The following SPON1 variants were observed in gnomAD, a reference collection of about 807,000 sequenced individuals.
SPON1 encodes spondin-1.
A neutral mutation model predicts 111.7 loss-of-function variants in SPON1; 52 were observed. That is an observed-to-expected ratio of 0.47 (90% CI 0.37 to 0.59). SPON1 has a LOEUF of 0.59. Among genes scored for constraint, SPON1 ranks in the 20% least tolerant of loss-of-function variants. SPON1 has a pLI of 0.00. For synonymous variants in SPON1, 410 were observed against 395.8 expected (o/e 1.04, Z -0.43); for missense variants, 957 against 1,068.5 (o/e 0.90, Z 1.46).
chr11:14,011,023 G>C (rs1848400827), intron 2 of SPON1, among the ~76,000 whole-genome samples: 1 of 152,136 alleles, frequency 6.6e-6, no homozygotes, highest in Non-Finnish European at 1.5e-5. Context: ...GAGTCCTTAA[G>C]AATCAATTAC....
intron 6 of SPON1, among the ~76,000 whole-genome samples, chr11:14,206,298 A>G (rs1283657174): frequency 1.3e-5 from 2 of 152,040 alleles, no homozygotes; most frequent in African/African-American, 4.8e-5. Context: ...GGTTCAAGCG[A>G]TTCTTCTGCC....
chr11:14,149,661 T>C (rs1847765172), intron 6 of SPON1, among the ~76,000 whole-genome samples: 1 of 152,202 alleles, frequency 6.6e-6, no homozygotes, highest in Non-Finnish European at 1.5e-5. Context: ...TTATCTTTTA[T>C]ACCTTATTTT....
intron 2 of SPON1, among the ~76,000 whole-genome samples, chr11:14,027,075 T>A (rs1848524006): frequency 6.6e-6 from 1 of 152,158 alleles, no homozygotes; most frequent in South Asian, 2.1e-4. Flanking sequence ...GGAGACTGAA[T>A]CCATGGGAAA....
At chr11:14,109,390 G>A (rs1389216115) in intron 5 of SPON1, among the ~76,000 whole-genome samples, 1 of 152,124 alleles carries the variant, frequency 6.6e-6, no homozygotes. Context: ...ACTGAAAAAG[G>A]ATTAAGACTA....
At chr11:14,145,793 T>A (rs10832197) in intron 6 of SPON1, among the ~76,000 whole-genome samples, 60,714 of 151,922 alleles carry the variant, frequency 0.4, 12,314 homozygotes, top group East Asian at 0.55. Flanking sequence ...TCAATAGGGG[T>A]CATATTAGAA....
chr11:14,147,017 C>CTT lies in SPON1; in HGVS notation c.825+11478_825+11479dup, dbSNP rs34930543. Among the ~76,000 whole-genome samples, 601 of 65,072 alleles carry CTT rather than the reference C, an allele frequency of 9.2e-3. 99 individuals are homozygous for CTT. The highest frequency in any genetic ancestry group is 0.018 in the East Asian group (31 of 1,720). 42.7% of individuals were successfully genotyped at this position (65,072 alleles called of 152,430 possible). A position where few individuals can be genotyped will look rare whatever the true frequency, so the allele number is the denominator to read the frequency against. On this transcript the variant is annotated intron_variant, in intron 6 of 15. Transcript: ENST00000576479. ...ACGTTAGAAGAAAACATGAAAGAAC[C>CTT]TTTTTTTTTTTTTTTTTTTTTTTTT...
chr11:14,091,370 G>A (rs1007914086), intron 5 of SPON1, among the ~76,000 whole-genome samples: 2 of 152,236 alleles, frequency 1.3e-5, no homozygotes, highest in African/African-American at 4.8e-5. Context: ...GGGCGCCGTG[G>A]AGCAGGGGGT....
chr11:14,230,944 G>A (rs972128877), intron 6 of SPON1, among the ~76,000 whole-genome samples: 18 of 151,440 alleles, frequency 1.2e-4, no homozygotes, highest in African/African-American at 4.4e-4. Flanking sequence ...CTACAGGCAT[G>A]TGCCACCACA....
intron 5 of SPON1, among the ~76,000 whole-genome samples, chr11:14,110,961 C>A (rs910833543): frequency 4.6e-5 from 7 of 152,174 alleles, no homozygotes; most frequent in Non-Finnish European, 8.8e-5. Flanking sequence ...TATCTCCCAG[C>A]CTATGCAAAA....
At chr11:14,146,051 G>A (rs953474308) in intron 6 of SPON1, among the ~76,000 whole-genome samples, 1 of 152,014 alleles carries the variant, frequency 6.6e-6, no homozygotes, top group Non-Finnish European at 1.5e-5. Flanking sequence ...TGCCTCTAGA[G>A]CACACAGAGA....
chr11:14,103,591 G>C (rs1192530442), intron 5 of SPON1, among the ~76,000 whole-genome samples: 2 of 152,214 alleles, frequency 1.3e-5, no homozygotes, highest in African/African-American at 4.8e-5. Context: ...GGTCAGGATA[G>C]CCTTTGATCT....
intron 5 of SPON1, among the ~76,000 whole-genome samples, chr11:14,120,732 A>G (rs1422625285): frequency 6.6e-6 from 1 of 152,184 alleles, no homozygotes; most frequent in African/African-American, 2.4e-5. Flanking sequence ...GAGAAATAAA[A>G]TATTAATATT....
chr11:14,173,878 G>C (rs183670801), intron 6 of SPON1, among the ~76,000 whole-genome samples: 22 of 148,824 alleles, frequency 1.5e-4, no homozygotes, highest in Admixed American at 1.4e-3. Context: ...GCACCTGGCC[G>C]TGTGAGGTGT....
intron 5 of SPON1, among the ~76,000 whole-genome samples, chr11:14,084,044 A>G (rs1848985438): frequency 6.6e-6 from 1 of 151,738 alleles, no homozygotes; most frequent in Middle Eastern, 3.2e-3. Flanking sequence ...CGTAGTTCCC[A>G]ATTAGTCACA....
intron 2 of SPON1, among the ~76,000 whole-genome samples, chr11:14,008,846 TAAAAG>T (rs1848383573): frequency 6.6e-6 from 1 of 152,136 alleles, no homozygotes; most frequent in Admixed American, 6.5e-5. Context: ...TTTTCCTTCT[TAAAAG>T]AACAATTTAA....
intron 5 of SPON1, among the ~76,000 whole-genome samples, chr11:14,110,346 G>A (rs1849217959): frequency 6.6e-6 from 1 of 152,118 alleles, no homozygotes; most frequent in African/African-American, 2.4e-5. Context: ...TACTGTGTCA[G>A]TTGCACATCA....
At chr11:14,123,254 A>G (rs1847414784) in intron 5 of SPON1, among the ~76,000 whole-genome samples, 1 of 152,134 alleles carries the variant, frequency 6.6e-6, no homozygotes, top group Admixed American at 6.5e-5. Flanking sequence ...TTTTTATTGC[A>G]TGATGGACAT....
intron 6 of SPON1, among the ~76,000 whole-genome samples, chr11:14,136,059 G>A (rs868952774): frequency 9.2e-5 from 14 of 152,262 alleles, no homozygotes; most frequent in Middle Eastern, 6.8e-3. Context: ...TGCTGTGTGG[G>A]CCCAGGAGCA....
chr11:14,094,080 T>C (rs1325986483), intron 5 of SPON1, among the ~76,000 whole-genome samples: 1 of 151,952 alleles, frequency 6.6e-6, no homozygotes, highest in Non-Finnish European at 1.5e-5. Context: ...GGCATGCTGG[T>C]GTGTGCCTGT....
Sources: allele counts gnomAD v4.1 joint callset (sites outside exome capture counted in the v4.1 genomes callset), GRCh38; gene constraint gnomAD v4.1.1; transcripts MANE v1.5; gene names NCBI Gene and HGNC (gene_info 2026-07-23, HGNC 2026-07-21).